AQR: variants seen among roughly 807,000 people sequenced by gnomAD.
AQR encodes the protein aquarius intron-binding spliceosomal factor.
In AQR, 61 loss-of-function variants were observed where a neutral mutation model predicts 180.5. The observed-to-expected ratio is 0.34, with a 90% CI of 0.28 to 0.42. AQR has a LOEUF of 0.42. Ranked by LOEUF, AQR falls within the 10% of genes least tolerant of loss-of-function variation. The pLI, the probability that AQR is intolerant of heterozygous loss-of-function variation, is 1.00. For synonymous variants in AQR, 551 were observed against 588.8 expected (o/e 0.94, Z 0.93); for missense variants, 1,281 against 1,798.3 (o/e 0.71, Z 5.20).
chr15:34,918,960 C>T (rs1049811952), intron 14 of AQR, among the ~76,000 whole-genome samples: 14 of 152,044 alleles, frequency 9.2e-5, no homozygotes, highest in Non-Finnish European at 1.9e-4. Context: ...AGTGTTACAC[C>T]GGGTGCAGTG....
At chr15:34,868,796 A>G (rs1234258843) in intron 31 of AQR, 1 of 152,154 alleles carries the variant, frequency 6.6e-6, no homozygotes, top group Non-Finnish European at 1.5e-5. Context: ...TTCAATCAGC[A>G]TGTTTCTGAG....
rs1174370425 is a variant in AQR at position 34,950,084 on chromosome 15, C to CTTTTTTTTTTTTTTTTTT, written c.210-1718_210-1701dup. Reference sequence around the variant, plus strand: ...ATTTTTACTTCTCTTTGCTATTTTCCTTTTTTTTTTTTTTTTTTTTTTTTG... The same window carrying CTTTTTTTTTTTTTTTTTT: ...ATTTTTACTTCTCTTTGCTATTTTCCTTTTTTTTTTTTTTTTTTTTTTTTTTTTTTTTTTTTTTTTTTG... On this transcript the variant is annotated intron_variant, in intron 4 of 34. Coordinates refer to ENST00000156471, the MANE Select transcript of AQR (RefSeq NM_014691.3). Among the ~76,000 whole-genome samples, 5 of 74,058 alleles carry CTTTTTTTTTTTTTTTTTT rather than the reference C, an allele frequency of 6.8e-5. 1 individual carries two copies. The highest frequency in any genetic ancestry group is 9.1e-5 in the Non-Finnish European group (4 of 43,732). 48.6% of individuals were successfully genotyped at this position (74,058 alleles called of 152,430 possible).
chr15:34,875,455 T>C (rs1892877148), intron 28 of AQR, among the ~76,000 whole-genome samples: 1 of 152,182 alleles, frequency 6.6e-6, no homozygotes, highest in South Asian at 2.1e-4. Flanking sequence ...TATCCTTAAG[T>C]TGGGAATTCC....
chr15:34,919,504 T>C (rs985624284), intron 14 of AQR, among the ~76,000 whole-genome samples: 4 of 152,214 alleles, frequency 2.6e-5, no homozygotes, highest in African/African-American at 9.6e-5. Context: ...TTATTTTCTT[T>C]TGTTGGAACT....
In AQR at chr15:34,934,645, A is replaced by G; in HGVS notation, c.719-10T>C. On this transcript the variant is annotated splice_polypyrimidine_tract_variant and intron_variant, in intron 9 of 34. Transcript: ENST00000156471. The stretch of plus-strand genomic sequence containing the variant: ...TCCATAGTGACAGGTTCTAGACATA[A>G]GAGAGAACGCATGATAGAATTTCCT... The G allele has an allele frequency of 6.4e-7, 1 of 1,553,002 alleles. No homozygotes were observed. The highest frequency in any genetic ancestry group is 8.7e-7 in the Non-Finnish European group (1 of 1,154,042).
Position 34,932,349 on chromosome 15 carries a change from C to T in AQR, c.869G>A (p.Arg290His), listed in dbSNP as rs201774135. 36 of 1,613,456 alleles carry T rather than the reference C, an allele frequency of 2.2e-5. No individual in the cohort carries two copies. In the Admixed American group the frequency reaches 2.5e-4, roughly 11 times the overall value. Residue 290 changes from arginine (R) to histidine (H), a missense_variant, in exon 11 of 35, where the codon CGT (arginine) becomes CAT (histidine). Physicochemically the swap from Arg to His is conservative, Grantham distance 29. Transcript: ENST00000156471. ...AAAAAGATGGCCATCCTCTTCTCTACGAACAAGATTGGAAAGGTAACAGTG... is the reference window on the plus strand; with the variant it reads ...AAAAAGATGGCCATCCTCTTCTCTATGAACAAGATTGGAAAGGTAACAGTG... ...LVHCYLSNLV[R>H]REEDGHLFSQ...
chr15:34,962,638 G>T (rs1414876377), intron 2 of AQR, among the ~76,000 whole-genome samples: 3 of 151,702 alleles, frequency 2.0e-5, no homozygotes, highest in African/African-American at 7.3e-5. Context: ...GCGTGGTGGC[G>T]TGCATCTGTA....
At chr15:34,947,900 A>G (rs997506737) in intron 5 of AQR, among the ~76,000 whole-genome samples, 1 of 152,152 alleles carries the variant, frequency 6.6e-6, no homozygotes, top group Non-Finnish European at 1.5e-5. Flanking sequence ...TCAGCTTTCC[A>G]AGTGCAGGAT....
chr15:34,874,703 A>G lies in AQR; in HGVS notation c.3399T>C (p.Leu1133=), dbSNP rs747337340. The G allele has an allele frequency of 3.7e-6, 6 of 1,613,646 alleles. No individual in the cohort carries two copies. In the East Asian group the frequency reaches 1.3e-4, roughly 36 times the overall value. Residue 1133 remains leucine, a synonymous_variant, in exon 29 of 35, where the codon CTT becomes CTC. Transcript: ENST00000156471. ...FVRVGVPTVD[L]DAQGRARASL... ...TTGCTCTGGCTCTCCCTTGAGCATC[A>G]AGGTCAACAGTCGGAACTCCAACGC...
chr15:34,949,657 A>G (rs958086571), intron 4 of AQR, among the ~76,000 whole-genome samples: 2 of 150,050 alleles, frequency 1.3e-5, no homozygotes, highest in African/African-American at 2.4e-5. Context: ...GACAAACATC[A>G]GTTCTAAAAC....
intron 1 of AQR, among the ~76,000 whole-genome samples, chr15:34,965,070 A>G (rs926373366): frequency 1.3e-5 from 2 of 152,208 alleles, no homozygotes; most frequent in African/African-American, 4.8e-5. Flanking sequence ...GGACAAATGA[A>G]GCAAAATCTG....
Position 34,915,130 on chromosome 15 carries a change from G to A in AQR, c.1392C>T (p.Asp464=), listed in dbSNP as rs1167480169. ...AGAGGTTAAAGTTCCTTAGCAGGTA[G>A]TCATGAAGAGTCAAAAACTGCAAAT... ...KLNLQFLTLH[D]YLLRNFNLFR... Residue 464 remains aspartate, a synonymous_variant, in exon 16 of 35, where the codon GAC becomes GAT. Coordinates refer to ENST00000156471, the MANE Select transcript of AQR (RefSeq NM_014691.3). 1.9e-6 allele frequency: 3 copies of A among 1,610,464 alleles called. No individual in the cohort carries two copies. The highest frequency in any genetic ancestry group is 1.3e-5 in the African/African-American group (1 of 74,684).
intron 16 of AQR, among the ~76,000 whole-genome samples, chr15:34,914,582 C>T (rs1215886671): frequency 6.6e-6 from 1 of 152,138 alleles, no homozygotes; most frequent in Non-Finnish European, 1.5e-5. Flanking sequence ...CTGTCCATTC[C>T]CCTAGAGAGG....
intron 3 of AQR, among the ~76,000 whole-genome samples, chr15:34,959,672 C>A (rs1396383733): frequency 6.6e-6 from 1 of 152,234 alleles, no homozygotes; most frequent in Non-Finnish European, 1.5e-5. Context: ...TTAGGATCAT[C>A]TTTGATTCTT....
At chr15:34,862,339 C>T (rs1892680792) in intron 33 of AQR, among the ~76,000 whole-genome samples, 1 of 152,034 alleles carries the variant, frequency 6.6e-6, no homozygotes, top group African/African-American at 2.4e-5. Context: ...AAAAGACCTC[C>T]TGGCTTTTCA....
chr15:34,890,244 T>C lies in AQR; in HGVS notation c.2652A>G (p.Glu884=), dbSNP rs1479840917. 1 of 1,613,582 alleles carries C rather than the reference T, an allele frequency of 6.2e-7. No homozygotes were observed. Among genetic ancestry groups the C allele is most frequent in the South Asian group, 1.1e-5 (1 of 90,918 alleles). ...RHLLRLGHGE[E]ELETEKDFSR... ...TGAAATCTTTCTCTGTCTCCAGCTCTTCTTCTCCATGACCAAGACGCAGTA... is the reference window on the plus strand; with the variant it reads ...TGAAATCTTTCTCTGTCTCCAGCTCCTCTTCTCCATGACCAAGACGCAGTA... The change falls in exon 24 of 35, where the codon GAA becomes GAG. Residue 884 remains glutamate, a synonymous_variant. Transcript: ENST00000156471.
chr15:34,917,403 T>C (rs967758874), intron 15 of AQR, among the ~76,000 whole-genome samples: 1 of 152,212 alleles, frequency 6.6e-6, no homozygotes, highest in African/African-American at 2.4e-5. Context: ...CACTTTTGCA[T>C]ATACTCAGTT....
chr15:34,926,427 T>C (rs1893765519), intron 13 of AQR, among the ~76,000 whole-genome samples: 1 of 152,118 alleles, frequency 6.6e-6, no homozygotes, highest in Admixed American at 6.5e-5. Context: ...ACTATCCGGG[T>C]TTAAATTGTA....
intron 27 of AQR, among the ~76,000 whole-genome samples, chr15:34,877,167 G>A (rs1892899369): frequency 6.6e-6 from 1 of 152,068 alleles, no homozygotes; most frequent in Non-Finnish European, 1.5e-5. Context: ...AATTACTACT[G>A]TTCTATCTGT....
Sources: gnomAD v4.1 joint callset for allele counts (sites outside exome capture counted in the v4.1 genomes callset) on GRCh38, gnomAD v4.1.1 for gene constraint, MANE v1.5 for transcripts, NCBI Gene and HGNC (gene_info 2026-07-23, HGNC 2026-07-21) for gene names.